The following LRBA variants were observed in gnomAD, a reference collection of about 807,000 sequenced individuals.
The protein encoded by LRBA is LPS responsive beige-like anchor protein, also known as lipopolysaccharide-responsive and beige-like anchor protein.
LRBA carries 176 observed loss-of-function variants against 330.0 expected under a neutral mutation model. The ratio of observed to expected loss-of-function variants is 0.53; its 90% CI spans 0.47 to 0.60. The LOEUF (loss-of-function observed/expected upper bound fraction) is 0.60. Ranked by LOEUF, LRBA falls within the 20% of genes least tolerant of loss-of-function variation. LRBA has a pLI of 0.00. For synonymous variants in LRBA, 1,230 were observed against 1,193.0 expected (o/e 1.03, Z -0.64); for missense variants, 3,259 against 3,444.8 (o/e 0.95, Z 1.35).
intron 17 of LRBA, among the ~76,000 whole-genome samples, chr4:150,888,147 G>GA (rs1729143333): frequency 6.6e-6 from 1 of 151,960 alleles, no homozygotes; most frequent in South Asian, 2.1e-4. Context: ...AAAAGGTAAG[G>GA]AAAAAGGAAA....
At chr4:150,541,063 C>T (rs1023327784) in intron 40 of LRBA, among the ~76,000 whole-genome samples, 1 of 152,162 alleles carries the variant, frequency 6.6e-6, no homozygotes, top group African/African-American at 2.4e-5. Context: ...GCTTAGATTC[C>T]TTTCTTCTCA....
chr4:150,912,417 T>A (rs1376502244), intron 9 of LRBA, among the ~76,000 whole-genome samples: 1 of 152,226 alleles, frequency 6.6e-6, no homozygotes, highest in Non-Finnish European at 1.5e-5. Context: ...TACCTGATAA[T>A]CTGTCACTGT....
chr4:150,674,395 T>TAA (rs747748057), intron 37 of LRBA, among the ~76,000 whole-genome samples: 1 of 137,612 alleles, frequency 7.3e-6, no homozygotes, highest in African/African-American at 2.7e-5. Context: ...CAGTAAAGTC[T>TAA]AAAAAAAAAA....
intron 30 of LRBA, among the ~76,000 whole-genome samples, chr4:150,823,674 TA>T (rs1745799815): frequency 6.6e-6 from 1 of 152,212 alleles, no homozygotes; most frequent in Admixed American, 6.5e-5. Context: ...TTCTTCTGCA[TA>T]TGGATATACA....
chr4:150,600,937 T>A (rs1013170983), intron 37 of LRBA, among the ~76,000 whole-genome samples: 1 of 152,156 alleles, frequency 6.6e-6, no homozygotes, highest in Non-Finnish European at 1.5e-5. Context: ...TATTATCAAA[T>A]ATCAGCCAGG....
chr4:150,423,335 A>G (rs1749091665), intron 46 of LRBA: 1 of 713,232 alleles, frequency 1.4e-6, no homozygotes, highest in Non-Finnish European at 2.5e-6. Context: ...AGCTCTGCGG[A>G]CTGTGAGGAG....
At chr4:150,783,630 A>G (rs2126605390) in intron 34 of LRBA, among the ~76,000 whole-genome samples, 1 of 152,336 alleles carries the variant, frequency 6.6e-6, no homozygotes, top group Admixed American at 6.5e-5. Context: ...ACTGTGTTGT[A>G]TCCAGTATTC....
At chr4:150,712,804 G>T (rs1786356634) in intron 36 of LRBA, among the ~76,000 whole-genome samples, 1 of 152,072 alleles carries the variant, frequency 6.6e-6, no homozygotes, top group Non-Finnish European at 1.5e-5. Context: ...AACCCAAAGA[G>T]ATTCCTACTT....
intron 47 of LRBA, among the ~76,000 whole-genome samples, chr4:150,368,300 T>A (rs546430248): frequency 2.6e-5 from 4 of 151,990 alleles, no homozygotes; most frequent in Non-Finnish European, 5.9e-5. Flanking sequence ...ATTTAAAAAC[T>A]CAGATACTTC....
chr4:150,619,605 C>T (rs1344545511), intron 37 of LRBA, among the ~76,000 whole-genome samples: 1 of 152,062 alleles, frequency 6.6e-6, no homozygotes, highest in Admixed American at 6.5e-5. Context: ...TATTACTATA[C>T]AGATTCCTAT....
At chr4:150,787,308 C>T (rs992781330) in intron 34 of LRBA, among the ~76,000 whole-genome samples, 4 of 151,858 alleles carry the variant, frequency 2.6e-5, no homozygotes, top group African/African-American at 9.7e-5. Flanking sequence ...GTTTTACATG[C>T]ACTGCCTAAT....
intron 37 of LRBA, among the ~76,000 whole-genome samples, chr4:150,669,005 A>G (rs1781815746): frequency 6.6e-6 from 1 of 152,176 alleles, no homozygotes; most frequent in Non-Finnish European, 1.5e-5. Context: ...CCAGTGGTAC[A>G]TATAGAGATA....
chr4:150,791,603 A>G (rs1258300329), intron 34 of LRBA, among the ~76,000 whole-genome samples: 10 of 152,226 alleles, frequency 6.6e-5, no homozygotes, highest in Admixed American at 6.5e-4. Context: ...TAGAAGAGAC[A>G]GCATTTGAAC....
chr4:150,564,018 G>A (rs1282227041), intron 40 of LRBA, among the ~76,000 whole-genome samples: 1 of 152,168 alleles, frequency 6.6e-6, no homozygotes, highest in Non-Finnish European at 1.5e-5. Context: ...TTTCTTCACA[G>A]AGTTAGAAAA....
chr4:150,717,147 C>T (rs1026795600), intron 36 of LRBA, among the ~76,000 whole-genome samples: 1 of 152,100 alleles, frequency 6.6e-6, no homozygotes, highest in Non-Finnish European at 1.5e-5. Flanking sequence ...CACTGAGCCT[C>T]GCTGTAGTTT....
intron 1 of LRBA, among the ~76,000 whole-genome samples, 155 bp downstream of exon 1, chr4:151,015,047 G>T (rs539308963): frequency 1.3e-5 from 2 of 152,096 alleles, no homozygotes; most frequent in Non-Finnish European, 2.9e-5. Flanking sequence ...CCCCCGAACA[G>T]GCTCACTCCT....
At chr4:150,625,236 A>C (rs1166803168) in intron 37 of LRBA, among the ~76,000 whole-genome samples, 2 of 152,182 alleles carry the variant, frequency 1.3e-5, no homozygotes, top group African/African-American at 4.8e-5. Flanking sequence ...TTGATCCCCC[A>C]CAATCACCTT....
chr4:150,598,624 T>C (rs1385694473), intron 38 of LRBA, among the ~76,000 whole-genome samples: 1 of 152,162 alleles, frequency 6.6e-6, no homozygotes, highest in African/African-American at 2.4e-5. Context: ...AAACCATGTA[T>C]ACACAACAGA....
chr4:150,855,775 T>C (rs1443920193), intron 22 of LRBA, among the ~76,000 whole-genome samples: 3 of 152,170 alleles, frequency 2.0e-5, no homozygotes, highest in South Asian at 2.1e-4. Flanking sequence ...AGTTTTACTA[T>C]CTATATACTA....
Sources: allele counts gnomAD v4.1 joint callset (sites outside exome capture counted in the v4.1 genomes callset), GRCh38; gene constraint gnomAD v4.1.1; transcripts MANE v1.5; gene names NCBI Gene and HGNC (gene_info 2026-07-23, HGNC 2026-07-21).